GIMD1: variants seen among roughly 807,000 people sequenced by gnomAD.
GIMD1 encodes the protein GIMAP family P-loop NTPase domain containing 1, also known as GTPase IMAP family member GIMD1.
A neutral mutation model predicts 14.9 loss-of-function variants in GIMD1; 14 were observed. That is an observed-to-expected ratio of 0.94 (90% CI 0.62 to 1.47). GIMD1 has a LOEUF of 1.47. Among genes scored for constraint, GIMD1 ranks in the 40% most tolerant of loss-of-function variants. The pLI, the probability that GIMD1 is intolerant of heterozygous loss-of-function variation, is 0.00. For missense variants in GIMD1, 272 were observed against 255.3 expected, an observed-to-expected ratio of 1.07 and a Z score of -0.44; for synonymous variants, 91 against 90.5, an observed-to-expected ratio of 1.01 and a Z score of -0.03.
intron 2 of GIMD1, 141 bp from the exon 3 acceptor site, chr4:106,358,584 G>A: frequency 3.3e-6 from 2 of 610,910 alleles, no homozygotes; most frequent in Middle Eastern, 4.1e-4. Context: ...TGTAGGAAAT[G>A]AAGACAGGGT....
chr4:106,367,729 A>T (rs2125935099), intron 1 of GIMD1, among the ~76,000 whole-genome samples: 1 of 152,296 alleles, frequency 6.6e-6, no homozygotes, highest in South Asian at 2.1e-4. Context: ...GATCATAAAA[A>T]CCATGTTTAA....
intron 2 of GIMD1, among the ~76,000 whole-genome samples, chr4:106,358,810 C>T (rs553202504): frequency 4.6e-5 from 7 of 151,942 alleles, no homozygotes; most frequent in South Asian, 4.1e-4. Context: ...GAATTTAAGT[C>T]GGAGGACCTT....
chr4:106,362,020 GA>G, intron 2 of GIMD1, among the ~76,000 whole-genome samples: 2 of 151,980 alleles, frequency 1.3e-5, no homozygotes, highest in East Asian at 3.9e-4. Context: ...GTCTCCACCA[GA>G]CATTTCCCAT....
chr4:106,359,842 C>G (rs1026454646), intron 2 of GIMD1, among the ~76,000 whole-genome samples: 9 of 151,750 alleles, frequency 5.9e-5, no homozygotes, highest in African/African-American at 2.2e-4. Flanking sequence ...AACTACGGGA[C>G]AAAACATTTA....
rs912089053 is a variant in GIMD1, at chr4:106,367,477, C to A, written c.-2-40G>T. 8.9e-6 allele frequency: 13 copies of A among 1,464,776 alleles called. No homozygotes were observed. In the Admixed American group the frequency reaches 3.0e-4, roughly 34 times the overall value. The allele number at this position is 1,464,776 out of a possible 1,614,324, so 90.7% of individuals were successfully genotyped here. A position where few individuals can be genotyped will look rare whatever the true frequency, so the allele number is the denominator to read the frequency against. On this transcript the variant is annotated intron_variant, in intron 1 of 2. Transcript: ENST00000638719. The stretch of plus-strand genomic sequence containing the variant: ...AGGCATAGCACGCATAATTAGGCTT[C>A]TACATTCCCCCAATGTAAGTTTTCT...
intron 2 of GIMD1, among the ~76,000 whole-genome samples, chr4:106,361,099 A>C (rs1471079191): frequency 2.6e-5 from 4 of 152,088 alleles, no homozygotes; most frequent in Non-Finnish European, 5.9e-5. Flanking sequence ...TGGAGCCTGG[A>C]ATCTGAATTT....
Position 106,368,695 on chromosome 4 carries a change from C to T in GIMD1, c.-3+15G>A. The T allele has an allele frequency of 5.0e-6, 2 of 398,384 alleles. No homozygotes were observed. Among genetic ancestry groups the T allele is most frequent in the Non-Finnish European group, 8.9e-6 (2 of 225,878 alleles). 24.7% of individuals were successfully genotyped at this position (398,384 alleles called of 1,614,324 possible). A position where few individuals can be genotyped will look rare whatever the true frequency, so the allele number is the denominator to read the frequency against. ...TAATTATTCAATCCCAATCCATTTG[C>T]TATATTTCGCTTACCTTTTCCAGTC... On this transcript the variant is annotated intron_variant, in intron 1 of 2. Coordinates refer to ENST00000638719, the MANE Select transcript of GIMD1 (RefSeq NM_001195138.2).
intron 2 of GIMD1, among the ~76,000 whole-genome samples, chr4:106,364,418 G>T (rs1252240217): frequency 6.6e-6 from 1 of 152,162 alleles, no homozygotes; most frequent in Non-Finnish European, 1.5e-5. Context: ...TGAAACCTGA[G>T]GACCTAACAG....
chr4:106,363,273 G>A (rs1462620046), intron 2 of GIMD1, among the ~76,000 whole-genome samples: 1 of 152,016 alleles, frequency 6.6e-6, no homozygotes, highest in Non-Finnish European at 1.5e-5. Context: ...CGTTGAAAGG[G>A]CATTAATCCC....
intron 2 of GIMD1, among the ~76,000 whole-genome samples, chr4:106,364,900 T>C (rs894398730): frequency 6.6e-6 from 1 of 152,172 alleles, no homozygotes; most frequent in African/African-American, 2.4e-5. Flanking sequence ...TCCCATATGC[T>C]AAAACTATTA....
At chr4:106,363,095 A>C (rs1315949821) in intron 2 of GIMD1, among the ~76,000 whole-genome samples, 1 of 152,154 alleles carries the variant, frequency 6.6e-6, no homozygotes, top group Admixed American at 6.6e-5. Context: ...AATCAGGGCC[A>C]CGTAAATTTG....
intron 2 of GIMD1, among the ~76,000 whole-genome samples, chr4:106,359,077 T>C (rs1029768330): frequency 9.2e-5 from 14 of 151,974 alleles, no homozygotes; most frequent in African/African-American, 2.7e-4. Flanking sequence ...TTGAAAAACA[T>C]TGAAGACTGG....
At chr4:106,366,813 A>G (rs1770706180) in intron 2 of GIMD1, among the ~76,000 whole-genome samples, 1 of 151,836 alleles carries the variant, frequency 6.6e-6, no homozygotes, top group Admixed American at 6.6e-5. Flanking sequence ...TTGTAAAATG[A>G]CTGATTGGGT....
At chr4:106,359,941 C>T (rs1231263710) in intron 2 of GIMD1, among the ~76,000 whole-genome samples, 1 of 151,942 alleles carries the variant, frequency 6.6e-6, no homozygotes, top group African/African-American at 2.4e-5. Flanking sequence ...TCAATTTCTA[C>T]AACTTCATAG....
intron 2 of GIMD1, among the ~76,000 whole-genome samples, chr4:106,364,659 C>T (rs754155634): frequency 6.6e-6 from 1 of 152,164 alleles, no homozygotes; most frequent in African/African-American, 2.4e-5. Context: ...GATTATTAAA[C>T]CTTGGCTGCT....
Position 106,357,960 on chromosome 4 carries a change from A to G in GIMD1, c.*223T>C, listed in dbSNP as rs185742456. Reference sequence around the variant, plus strand: ...ACAAATGTACACATTTATGTTGGGTATACACTTAGGAGTGTAATTGCTATG... The same window carrying G: ...ACAAATGTACACATTTATGTTGGGTGTACACTTAGGAGTGTAATTGCTATG... On this transcript the variant is annotated 3_prime_UTR_variant, in exon 3 of 3. Transcript: ENST00000638719. The G allele has an allele frequency of 7.4e-6, 3 of 405,450 alleles. No homozygotes were observed. Among genetic ancestry groups the G allele is most frequent in the South Asian group, 3.4e-5 (1 of 29,090 alleles). The allele number at this position is 405,450 out of a possible 1,614,324, so 25.1% of individuals were successfully genotyped here. A position where few individuals can be genotyped will look rare whatever the true frequency, so the allele number is the denominator to read the frequency against.
At chr4:106,358,588 A>T in intron 2 of GIMD1, 145 bp from the exon 3 acceptor site, 1 of 606,428 alleles carries the variant, frequency 1.6e-6, no homozygotes, top group East Asian at 3.0e-5. Flanking sequence ...GGAAATGAAG[A>T]CAGGGTCAAG....
Position 106,358,409 on chromosome 4 carries a change from G to A in GIMD1, c.428C>T (p.Ala143Val). The change falls in exon 3 of 3, where the codon GCC becomes GTC. Residue 143 changes from alanine to valine, a missense_variant. Coordinates refer to ENST00000638719, the MANE Select transcript of GIMD1 (RefSeq NM_001195138.2). Reference protein sequence around the residue: ...LLGHAWMNYTAILFTHAEKIE... With the variant: ...LLGHAWMNYTVILFTHAEKIE... ...TTTTTCTGCATGGGTAAAAAGAATG[G>A]CTGTGTAATTCATCCAAGCATGTCC... 6.6e-7 allele frequency: 1 copy of A among 1,523,760 alleles called. No homozygotes were observed. The highest frequency in any genetic ancestry group is 8.8e-7 in the Non-Finnish European group (1 of 1,142,762). The allele number at this position is 1,523,760 out of a possible 1,614,324, so 94.4% of individuals were successfully genotyped here. A position where few individuals can be genotyped will look rare whatever the true frequency, so the allele number is the denominator to read the frequency against.
chr4:106,365,120 T>C (rs2949649), intron 2 of GIMD1, among the ~76,000 whole-genome samples: 5,488 of 152,264 alleles, frequency 0.036, 384 homozygotes, highest in East Asian at 0.27. Flanking sequence ...TTTTAAGAAC[T>C]GTCTAAAGAT....
Sources: allele counts gnomAD v4.1 joint callset (sites outside exome capture counted in the v4.1 genomes callset), GRCh38; gene constraint gnomAD v4.1.1; transcripts MANE v1.5; gene names NCBI Gene and HGNC (gene_info 2026-07-23, HGNC 2026-07-21).